Variants in DHTKD1 observed in about 807,000 individuals in gnomAD.
DHTKD1 encodes dehydrogenase E1 and transketolase domain containing 1.
In DHTKD1, 78 loss-of-function variants were observed where a neutral mutation model predicts 101.8. The observed-to-expected ratio is 0.77, with a 90% CI of 0.64 to 0.93. The LOEUF is 0.93. Among genes scored for constraint, DHTKD1 ranks in the 40% least tolerant of loss-of-function variants. The probability of loss-of-function intolerance (pLI) is 0.00; values close to 1 mark genes in which losing one functional copy is unlikely to be tolerated. For synonymous variants in DHTKD1, 462 were observed against 450.3 expected, an observed-to-expected ratio of 1.03 and a Z score of -0.33; for missense variants, 1,223 against 1,161.7, an observed-to-expected ratio of 1.05 and a Z score of -0.77.
chr10:12,094,314 A>T, intron 7 of DHTKD1, 43 bp downstream of exon 7: 1 of 1,535,568 alleles, frequency 6.5e-7, no homozygotes, highest in Non-Finnish European at 9.0e-7. Flanking sequence ...CTAAAAATTA[A>T]AATTACTATT....
intron 1 of DHTKD1, among the ~76,000 whole-genome samples, chr10:12,079,193 T>G (rs1456312288): frequency 6.6e-6 from 1 of 152,042 alleles, no homozygotes; most frequent in African/African-American, 2.4e-5. Context: ...GGGTTCAAGC[T>G]CCTCCCTCAG....
rs941096138 is a variant in DHTKD1, at chr10:12,107,320, G to A, written c.2048-589G>A. On this transcript the variant is annotated intron_variant, in intron 11 of 16. Transcript: ENST00000263035. This position sits in a 1 kb window ranked among gnomAD's most constrained non-coding sequence, Gnocchi z 4.1. ...CCATTCTTGTAAGAGTGGTGCCTGC[G>A]GTGGTATTGGAGCGGCATGTGCTGT... Among the ~76,000 whole-genome samples the A allele has an allele frequency of 6.6e-6, 1 of 151,730 alleles. No individual in the cohort carries two copies. Among genetic ancestry groups the A allele is most frequent in the African/African-American group, 2.4e-5 (1 of 41,294 alleles).
chr10:12,083,053 AAGG>A (rs757123964), intron 2 of DHTKD1, among the ~76,000 whole-genome samples: 64 of 152,216 alleles, frequency 4.2e-4, no homozygotes, highest in Non-Finnish European at 4.7e-4. Context: ...AGGCAAAAAA[AAGG>A]AGCATCTAAT....
chr10:12,114,058 ATGGAGTC>A (rs955132685), intron 13 of DHTKD1, among the ~76,000 whole-genome samples: 12 of 145,436 alleles, frequency 8.3e-5, no homozygotes, highest in African/African-American at 2.6e-4. Context: ...TCTTTTTGAG[ATGGAGTC>A]TTGTGCTGTT....
chr10:12,118,039 G>A (rs1042641364), intron 14 of DHTKD1, among the ~76,000 whole-genome samples: 3 of 151,758 alleles, frequency 2.0e-5, no homozygotes, highest in Admixed American at 6.6e-5. Flanking sequence ...ACAGGTGCCC[G>A]CCACCACACC....
At position 12,122,783 on chromosome 10, in the gene DHTKD1, G is replaced by A. The variant is rs1488278764; in HGVS notation, c.*1895G>A. ...AGTACTGGAAACGTAACTAAACAGC[G>A]AACCATGTAGCTTCACCTGACTCAG... On this transcript the variant is annotated 3_prime_UTR_variant, in exon 17 of 17. Transcript: ENST00000263035. 6.6e-6 allele frequency: 1 copy of A among 152,148 alleles called. No individual in the cohort carries two copies. The highest frequency in any genetic ancestry group is 1.5e-5 in the Non-Finnish European group (1 of 68,050). The allele number at this position is 152,148 out of a possible 1,614,324, so 9.4% of individuals were successfully genotyped here. A position where few individuals can be genotyped will look rare whatever the true frequency, so the allele number is the denominator to read the frequency against.
chr10:12,091,753 A>T (rs1164172490), intron 6 of DHTKD1, 69 bp downstream of exon 6: 1 of 1,361,598 alleles, frequency 7.3e-7, no homozygotes, highest in Non-Finnish European at 1.0e-6. Context: ...CCTCTGGTGC[A>T]CACAGAACAA....
At position 12,103,025 on chromosome 10, in the gene DHTKD1, C is replaced by T. The variant is rs1224965831; in HGVS notation, c.1896+1844C>T. On this transcript the variant is annotated intron_variant, in intron 10 of 16. Transcript: ENST00000263035. This position sits in a 1 kb window ranked among gnomAD's most constrained non-coding sequence, Gnocchi z 4.8. ...ATCACTTGAGGCCAGGAGTTCAACACTGGCCTGGCCAACATGGCGAAACCC... is the reference window on the plus strand; with the variant it reads ...ATCACTTGAGGCCAGGAGTTCAACATTGGCCTGGCCAACATGGCGAAACCC... 6.6e-6 allele frequency among the ~76,000 whole-genome samples: 1 copy of T among 152,208 alleles called. No individual in the cohort carries two copies.
chr10:12,122,198 G>A lies in DHTKD1; in HGVS notation c.*1310G>A, dbSNP rs1833538564. 1 of 152,200 alleles carries A rather than the reference G, an allele frequency of 6.6e-6. No individual in the cohort carries two copies. The highest frequency in any genetic ancestry group is 1.9e-4 in the East Asian group (1 of 5,178). The allele number at this position is 152,200 out of a possible 1,614,324, so 9.4% of individuals were successfully genotyped here. ...CCGTAAACTTGTTTTTCTTTAAATT[G>A]TTCTTACAGTGATATCTTACTATTT... On this transcript the variant is annotated 3_prime_UTR_variant, in exon 17 of 17. Transcript: ENST00000263035.
In DHTKD1 at chr10:12,087,654, C is replaced by G. The variant is rs1232196109; in HGVS notation, c.642C>G (p.Ile214Met). 11 of 1,613,970 alleles carry G rather than the reference C, an allele frequency of 6.8e-6. No homozygotes were observed. Among genetic ancestry groups the G allele is most frequent in the Non-Finnish European group, 9.3e-6 (11 of 1,179,964 alleles). Residue 214 changes from isoleucine to methionine, a missense_variant, in exon 4 of 17, where the codon ATC (isoleucine) becomes ATG (methionine). Ile to Met is a conservative substitution (Grantham distance 10). Coordinates refer to ENST00000263035, the MANE Select transcript of DHTKD1 (RefSeq NM_018706.7). This position sits in a 1 kb window ranked among gnomAD's most constrained non-coding sequence, Gnocchi z 5.2. The stretch of plus-strand genomic sequence containing the variant: ...TGAAAATGTCGGCCTACAGCGGGAT[C>G]ACTGATGTCATTATTGGGATGCCCC... The part of the protein sequence containing the change: ...ELLKMSAYSG[I>M]TDVIIGMPHR...
rs1052367278 is a variant in DHTKD1, at chr10:12,087,589, G to A, written c.577G>A (p.Glu193Lys). ...KFSTVKRYGGEGAESMMGFFH... is the reference protein window; with the variant it reads ...KFSTVKRYGGKGAESMMGFFH... ...CTCGACAGTGAAGCGATATGGAGGCGAAGGGGCTGAAAGCATGATGGGCTT... is the reference window on the plus strand; with the variant it reads ...CTCGACAGTGAAGCGATATGGAGGCAAAGGGGCTGAAAGCATGATGGGCTT... Residue 193 changes from glutamate (E) to lysine (K), a missense_variant, in exon 4 of 17, where the codon GAA (glutamate) becomes AAA (lysine). Physicochemically the swap from Glu to Lys is moderately conservative, Grantham distance 56. Transcript: ENST00000263035. This position sits in a 1 kb window ranked among gnomAD's most constrained non-coding sequence, Gnocchi z 5.2. 64 of 1,613,396 alleles carry A rather than the reference G, an allele frequency of 4.0e-5. No individual in the cohort carries two copies. The highest frequency in any genetic ancestry group is 4.8e-5 in the Non-Finnish European group (57 of 1,179,834).
intron 14 of DHTKD1, among the ~76,000 whole-genome samples, chr10:12,118,386 T>TC (rs1251683980): frequency 0.11 from 75 of 688 alleles, no homozygotes; most frequent in Admixed American, 0.3. Flanking sequence ...CATAATTCTC[T>TC]TTTTTTTTTT....
chr10:12,082,858 C>G (rs1228169771), intron 2 of DHTKD1, among the ~76,000 whole-genome samples: 1 of 151,912 alleles, frequency 6.6e-6, no homozygotes. Context: ...ATGAGTTGGC[C>G]GGGTGCGGTG....
chr10:12,074,803 G>T (rs1298372356), intron 1 of DHTKD1, among the ~76,000 whole-genome samples: 2 of 151,920 alleles, frequency 1.3e-5, no homozygotes, highest in African/African-American at 2.4e-5. Flanking sequence ...GGGAGGCAGA[G>T]GTGGTATAAG....
At chr10:12,111,352 G>A (rs991235855) in intron 12 of DHTKD1, among the ~76,000 whole-genome samples, 1 of 152,154 alleles carries the variant, frequency 6.6e-6, no homozygotes, top group East Asian at 1.9e-4. Context: ...TTTTAGTAGA[G>A]ATGGGGTTTC....
Position 12,091,835 on chromosome 10 carries a change from T to C in DHTKD1, c.1159+151T>C, listed in dbSNP as rs956888693. ...TAATTAATTTTTTGAGATGGAGTCT[T>C]GCTCTGTCACCCAGCCTGTAGTGCA... On this transcript the variant is annotated intron_variant, in intron 6 of 16. Transcript: ENST00000263035. The C allele has an allele frequency of 1.9e-5, 12 of 620,532 alleles. No individual in the cohort carries two copies. The African/African-American group carries it at 2.1e-4, about 11-fold the overall frequency. 38.4% of individuals were successfully genotyped at this position (620,532 alleles called of 1,614,324 possible).
At chr10:12,073,348 TCTTTTA>T (rs1240242523) in intron 1 of DHTKD1, among the ~76,000 whole-genome samples, 1 of 151,028 alleles carries the variant, frequency 6.6e-6, no homozygotes, top group East Asian at 1.9e-4. Context: ...AAATATTAGC[TCTTTTA>T]CTTTTTTTTT....
intron 7 of DHTKD1, among the ~76,000 whole-genome samples, chr10:12,096,494 T>G (rs1182001168): frequency 6.6e-6 from 1 of 152,116 alleles, no homozygotes; most frequent in African/African-American, 2.4e-5. Context: ...CAAGCGATCC[T>G]CCCGCCTCCA....
chr10:12,085,008 G>A (rs138258565), intron 3 of DHTKD1, among the ~76,000 whole-genome samples: 15 of 152,016 alleles, frequency 9.9e-5, no homozygotes, highest in African/African-American at 3.1e-4. Context: ...CCGAGATTGC[G>A]CCATTGCACT....
Sources: allele counts gnomAD v4.1 joint callset (sites outside exome capture counted in the v4.1 genomes callset), GRCh38; gene constraint gnomAD v4.1.1; non-coding constraint Gnocchi (gnomAD v3.1); transcripts MANE v1.5; gene names NCBI Gene and HGNC (gene_info 2026-07-23, HGNC 2026-07-21).